ERICH1: variants seen among roughly 807,000 people sequenced by gnomAD.
ERICH1 encodes glutamate rich 1, also known as glutamate-rich protein 1.
A neutral mutation model predicts 39.6 loss-of-function variants in ERICH1; 56 were observed. The observed-to-expected ratio is 1.41, with a 90% confidence interval of 1.14 to 1.77. ERICH1 has a LOEUF of 1.77. ERICH1 is among the 40% of genes most tolerant of loss of function. The pLI, the probability that ERICH1 is intolerant of heterozygous loss-of-function variation, is 0.00. For synonymous variants in ERICH1, 313 were observed against 223.6 expected (o/e 1.40, Z -3.57); for missense variants, 826 against 575.4 (o/e 1.44, Z -4.45).
chr8:620,769 C>A (rs1797232291), intron 3 of ERICH1, among the ~76,000 whole-genome samples: 1 of 152,038 alleles, frequency 6.6e-6, no homozygotes, highest in Non-Finnish European at 1.5e-5. Context: ...AACAGTGGCA[C>A]CCCAAAATAT....
chr8:683,884 C>T (rs1806717620), intron 3 of ERICH1, among the ~76,000 whole-genome samples: 1 of 152,190 alleles, frequency 6.6e-6, no homozygotes. Context: ...TAATCTTCAA[C>T]AAGATTAGTT....
intron 2 of ERICH1, among the ~76,000 whole-genome samples, chr8:701,093 G>T (rs1478028138): frequency 1.2e-5 from 1 of 81,632 alleles, no homozygotes; most frequent in Non-Finnish European, 3.3e-5. Flanking sequence ...GCTGCAACTT[G>T]ACCTGATTTT....
At chr8:699,363 T>C (rs1811138590) in intron 2 of ERICH1, among the ~76,000 whole-genome samples, 1 of 152,108 alleles carries the variant, frequency 6.6e-6, no homozygotes, top group Admixed American at 6.6e-5. Flanking sequence ...GCGGCCTTCT[T>C]CTCTCCTGGT....
At position 615,546 on chromosome 8, in the gene ERICH1, C is replaced by T. The variant is rs549407318; in HGVS notation, c.977-262G>A. On this transcript the variant is annotated intron_variant, in intron 3 of 3. Transcript: ENST00000522706. Reference sequence around the variant, plus strand: ...GCTCAGACAATGGCAGTGTTGATTACGGAGGTGATGGCTGCAGCTGCAGAC... The same window carrying T: ...GCTCAGACAATGGCAGTGTTGATTATGGAGGTGATGGCTGCAGCTGCAGAC... 1.6e-4 allele frequency: 62 copies of T among 391,010 alleles called. No homozygotes were observed. In the East Asian group the frequency reaches 2.4e-3, roughly 15 times the overall value. The allele number at this position is 391,010 out of a possible 1,614,324, so 24.2% of individuals were successfully genotyped here.
intron 3 of ERICH1, among the ~76,000 whole-genome samples, chr8:686,234 T>C (rs1807334629): frequency 6.6e-6 from 1 of 152,158 alleles, no homozygotes; most frequent in Non-Finnish European, 1.5e-5. Context: ...TATTAATATC[T>C]AGTAAAATAT....
intron 3 of ERICH1, among the ~76,000 whole-genome samples, chr8:643,697 C>G (rs1346758025): frequency 1.3e-5 from 2 of 152,214 alleles, no homozygotes; most frequent in African/African-American, 4.8e-5. Context: ...TGTCACTGAG[C>G]CATCCGCGAC....
downstream of ERICH1, chr8:664,055 G>A (rs1427794000): frequency 6.0e-5 from 13 of 218,452 alleles, no homozygotes; most frequent in South Asian, 8.3e-4. Flanking sequence ...CACCGCACCC[G>A]GCCTGACTGA....
chr8:726,308 G>T (rs56948427), intron 1 of ERICH1, among the ~76,000 whole-genome samples: 1 of 151,692 alleles, frequency 6.6e-6, no homozygotes, highest in East Asian at 1.9e-4. Context: ...GTACAAACAC[G>T]CCACACGCAG....
chr8:662,963 G>A (rs1366108479), downstream of ERICH1, among the ~76,000 whole-genome samples: 2 of 152,232 alleles, frequency 1.3e-5, no homozygotes, highest in Non-Finnish European at 2.9e-5. Flanking sequence ...CCTGCCTCAT[G>A]TGTGGCCTCC....
At chr8:653,064 G>A (rs1800174299) in intron 3 of ERICH1, among the ~76,000 whole-genome samples, 1 of 152,240 alleles carries the variant, frequency 6.6e-6, no homozygotes, top group African/African-American at 2.4e-5. Flanking sequence ...ATGAAACCCA[G>A]ATTTAATTAC....
chr8:697,491 G>C (rs1810593721), intron 2 of ERICH1, among the ~76,000 whole-genome samples: 2 of 152,168 alleles, frequency 1.3e-5, no homozygotes, highest in South Asian at 4.1e-4. Context: ...GCTTGGCTCA[G>C]ACTCCCAGTG....
At chr8:671,063 C>T (rs888146899) in intron 4 of ERICH1, among the ~76,000 whole-genome samples, 7 of 150,962 alleles carry the variant, frequency 4.6e-5, no homozygotes, top group Non-Finnish European at 7.4e-5. Context: ...CCCCAGGCTC[C>T]GACCTCTGAA....
At chr8:632,881 C>T (rs12056854) in intron 3 of ERICH1, among the ~76,000 whole-genome samples, 20,721 of 152,216 alleles carry the variant, frequency 0.14, 1,780 homozygotes, top group East Asian at 0.36. Context: ...ACCACGGATG[C>T]GGCTCAACAC....
chr8:651,505 G>A (rs1799940526), intron 3 of ERICH1, among the ~76,000 whole-genome samples: 1 of 152,186 alleles, frequency 6.6e-6, no homozygotes. Flanking sequence ...AGAAAATGCA[G>A]GAGCCAGCCC....
chr8:690,879 T>C (rs1176230073), intron 3 of ERICH1: 1 of 152,320 alleles, frequency 6.6e-6, no homozygotes, highest in Non-Finnish European at 1.5e-5. Flanking sequence ...GCCGTTATTT[T>C]TCCAGCTCCA....
chr8:665,837 G>A (rs1266523554), intron 5 of ERICH1, among the ~76,000 whole-genome samples: 1 of 152,184 alleles, frequency 6.6e-6, no homozygotes, highest in Non-Finnish European at 1.5e-5. Context: ...ACCCACACCT[G>A]CTTCTCAAAT....
intron 3 of ERICH1, among the ~76,000 whole-genome samples, chr8:619,823 C>G (rs747547147): frequency 6.6e-6 from 1 of 152,104 alleles, no homozygotes. Flanking sequence ...TTCTGTATTT[C>G]ACTGGTATTA....
At chr8:691,282 A>G (rs1808840354) in intron 3 of ERICH1, among the ~76,000 whole-genome samples, 1 of 152,172 alleles carries the variant, frequency 6.6e-6, no homozygotes, top group African/African-American at 2.4e-5. Context: ...TTGTGAAGAG[A>G]AATGCCTGTC....
At chr8:625,253 A>T (rs1194894368) in intron 3 of ERICH1, among the ~76,000 whole-genome samples, 1 of 152,214 alleles carries the variant, frequency 6.6e-6, no homozygotes, top group Admixed American at 6.5e-5. Context: ...ATGAATAGAT[A>T]AATAAAGCAT....
Sources: allele counts gnomAD v4.1 joint callset (sites outside exome capture counted in the v4.1 genomes callset), GRCh38; gene constraint gnomAD v4.1.1; transcripts MANE v1.5; gene names NCBI Gene and HGNC (gene_info 2026-07-23, HGNC 2026-07-21).